The following CLVS1 variants were observed in gnomAD, a reference collection of about 807,000 sequenced individuals.
The protein encoded by CLVS1 is clavesin-1.
A neutral mutation model predicts 33.1 loss-of-function variants in CLVS1; 10 were observed. The observed-to-expected ratio is 0.30, with a 90% CI of 0.19 to 0.51. The LOEUF (loss-of-function observed/expected upper bound fraction) is 0.51. Among genes scored for constraint, CLVS1 ranks in the 20% least tolerant of loss-of-function variants. The probability of loss-of-function intolerance (pLI) is 0.97; values close to 1 mark genes in which losing one functional copy is unlikely to be tolerated. For synonymous variants in CLVS1, 163 were observed against 166.1 expected (o/e 0.98, Z 0.14); for missense variants, 343 against 433.4 (o/e 0.79, Z 1.85).
chr8:61,212,510 G>C (rs1045848322), intron 2 of CLVS1, among the ~76,000 whole-genome samples: 4 of 152,154 alleles, frequency 2.6e-5, no homozygotes, highest in Non-Finnish European at 5.9e-5. Flanking sequence ...ACACAGAGGA[G>C]CCATTGAAAG....
At chr8:61,348,654 G>A (rs192014572) in intron 2 of CLVS1, among the ~76,000 whole-genome samples, 1 of 151,774 alleles carries the variant, frequency 6.6e-6, no homozygotes, top group East Asian at 1.9e-4. Context: ...TCATATTTTG[G>A]CTATTGCGAA....
rs570354259 is a variant in CLVS1 at position 61,360,030 on chromosome 8, A to G, written c.456-16575A>G. Among the ~76,000 whole-genome samples the G allele has an allele frequency of 2.0e-5, 3 of 152,262 alleles. No individual in the cohort carries two copies. In the South Asian group the frequency reaches 6.2e-4, roughly 32 times the overall value. On this transcript the variant is annotated intron_variant, in intron 2 of 5. Transcript: ENST00000325897. ...CATCCCAGCCTCTGAAGCAACTTGC[A>G]ACTCTACAGAGCCATTGTAGGCAGG...
intron 1 of CLVS1, among the ~76,000 whole-genome samples, chr8:61,121,851 C>A (rs111702824): frequency 8.3e-4 from 127 of 152,222 alleles, no homozygotes; most frequent in African/African-American, 2.7e-3. Context: ...TCGAAAGAGT[C>A]CTAGAGGAAT....
chr8:61,368,754 A>G (rs1280792649), intron 2 of CLVS1, among the ~76,000 whole-genome samples: 1 of 152,254 alleles, frequency 6.6e-6, no homozygotes, highest in Admixed American at 6.5e-5. Flanking sequence ...ATGTTTGAAT[A>G]TAATAGTATT....
chr8:61,061,150 A>G (rs568269810), intron 1 of CLVS1, among the ~76,000 whole-genome samples: 7 of 152,154 alleles, frequency 4.6e-5, no homozygotes, highest in Non-Finnish European at 1.0e-4. Flanking sequence ...CTCCAGCTTC[A>G]CAGTGATCAC....
chr8:61,025,973 A>G, the CLVS1 span, among the ~76,000 whole-genome samples: 2 of 152,300 alleles, frequency 1.3e-5, no homozygotes, highest in East Asian at 1.9e-4. Flanking sequence ...AGATTGTGCT[A>G]TCTGAAACCA....
At chr8:61,306,925 A>C (rs143084875) in intron 2 of CLVS1, among the ~76,000 whole-genome samples, 2,548 of 152,362 alleles carry the variant, frequency 0.017, 36 homozygotes, top group Non-Finnish European at 0.025. Context: ...CTATGGGTAC[A>C]TAAGTGCAGA....
intron 2 of CLVS1, among the ~76,000 whole-genome samples, chr8:61,247,574 C>T (rs2129315413): frequency 6.6e-6 from 1 of 152,164 alleles, no homozygotes; most frequent in East Asian, 1.9e-4. Context: ...TTTAAATATT[C>T]TTCTTGGCCA....
At chr8:61,370,558 T>A (rs1585873540) in intron 2 of CLVS1, 1 of 152,226 alleles carries the variant, frequency 6.6e-6, no homozygotes, top group Non-Finnish European at 1.5e-5. Context: ...TCAGGCTAAT[T>A]TTTTGTATTT....
intron 1 of CLVS1, among the ~76,000 whole-genome samples, chr8:61,081,418 C>G (rs1206589728): frequency 6.6e-6 from 1 of 152,158 alleles, no homozygotes; most frequent in Non-Finnish European, 1.5e-5. Context: ...TATCCTGAGC[C>G]GAAGCTTGCT....
upstream of CLVS1, among the ~76,000 whole-genome samples, chr8:61,286,026 AT>A (rs138563592): frequency 0.28 from 40,011 of 145,462 alleles, 6,529 homozygotes; most frequent in Non-Finnish European, 0.35. Context: ...TGTGCAGGCC[AT>A]TTTTTTTTTA....
Position 61,376,622 on chromosome 8 carries a change from T to G in CLVS1, c.473T>G (p.Ile158Ser). 1 of 1,613,978 alleles carries G rather than the reference T, an allele frequency of 6.2e-7. No individual in the cohort carries two copies. The highest frequency in any genetic ancestry group is 8.5e-7 in the Non-Finnish European group (1 of 1,179,878). The change falls in exon 3 of 6, where the codon ATC becomes AGC. Residue 158 changes from isoleucine (I) to serine (S), a missense_variant. Transcript: ENST00000325897. ...GGCTGCAGGAACTCCTTCACAGACA[T>G]CCTTCGTGCCATCCTGCTGTCATTG... Reference protein sequence around the residue: ...WDQSRNSFTDILRAILLSLEV... With the variant: ...WDQSRNSFTDSLRAILLSLEV...
At chr8:61,188,638 T>C (rs1435312297) in intron 2 of CLVS1, among the ~76,000 whole-genome samples, 1 of 152,136 alleles carries the variant, frequency 6.6e-6, no homozygotes, top group Non-Finnish European at 1.5e-5. Context: ...TTAGAACCTT[T>C]ATAACATGTT....
chr8:61,354,330 A>T (rs977789887), intron 2 of CLVS1, among the ~76,000 whole-genome samples: 1 of 152,054 alleles, frequency 6.6e-6, no homozygotes, highest in African/African-American at 2.4e-5. Context: ...GTTGTTGAGG[A>T]TATAAGGAAA....
chr8:61,377,423 T>C lies in CLVS1; in HGVS notation c.630+644T>C, dbSNP rs2029676. 2.4e-3 allele frequency: 358 copies of C among 152,336 alleles called. 3 individuals carry two copies. The highest frequency in any genetic ancestry group is 7.8e-3 in the African/African-American group (324 of 41,576). The allele number at this position is 152,336 out of a possible 1,614,324, so 9.4% of individuals were successfully genotyped here. ...TGCTTAGCTTTCTGGTGACACATTA[T>C]TACAAATTACTATTACTATAACAAA... is the stretch of plus-strand genomic sequence containing the variant. On this transcript the variant is annotated intron_variant, in intron 3 of 5. Transcript: ENST00000325897.
chr8:61,361,467 C>G (rs955899710), intron 2 of CLVS1, among the ~76,000 whole-genome samples: 10 of 152,174 alleles, frequency 6.6e-5, no homozygotes, highest in Non-Finnish European at 1.5e-4. Flanking sequence ...CCTCAAAGGA[C>G]ATTCTCCAAG....
chr8:61,060,804 C>T (rs1804569243), intron 1 of CLVS1, among the ~76,000 whole-genome samples: 1 of 152,124 alleles, frequency 6.6e-6, no homozygotes, highest in Admixed American at 6.5e-5. Context: ...AACAAACGTG[C>T]CCGAGGCCAC....
At chr8:61,008,464 C>CTTT in the CLVS1 span, among the ~76,000 whole-genome samples, 37 of 135,054 alleles carry the variant, frequency 2.7e-4, no homozygotes, top group African/African-American at 9.2e-4. Flanking sequence ...TGGGGATTTA[C>CTTT]TTTTTTTTTT....
chr8:61,360,455 ATCAATC>A (rs1812928314), intron 2 of CLVS1, among the ~76,000 whole-genome samples: 1 of 152,208 alleles, frequency 6.6e-6, no homozygotes, highest in Admixed American at 6.5e-5. Context: ...CAATCAATCA[ATCAATC>A]AAAAACACAA....
Sources: gnomAD v4.1 joint callset for allele counts (sites outside exome capture counted in the v4.1 genomes callset) on GRCh38, gnomAD v4.1.1 for gene constraint, MANE v1.5 for transcripts, NCBI Gene and HGNC (gene_info 2026-07-23, HGNC 2026-07-21) for gene names.